The following CMYA5 variants were observed in gnomAD, a reference collection of about 807,000 sequenced individuals.
CMYA5 encodes cardiomyopathy associated 5.
Under a neutral mutation model 318.9 loss-of-function variants are expected in CMYA5, and 246 were observed. The observed-to-expected ratio is 0.77, with a 90% CI of 0.70 to 0.86. The LOEUF (loss-of-function observed/expected upper bound fraction) is 0.86, where lower values mean the gene tolerates loss of function less well. Among genes scored for constraint, CMYA5 ranks in the 40% least tolerant of loss-of-function variants. The pLI is 0.00. For synonymous variants in CMYA5, 1,641 were observed against 1,729.5 expected (o/e 0.95, Z 1.27); for missense variants, 4,589 against 4,678.2 (o/e 0.98, Z 0.56).
intron 9 of CMYA5, among the ~76,000 whole-genome samples, chr5:79,775,355 C>G (rs1395113696): frequency 6.6e-6 from 1 of 152,110 alleles, no homozygotes. Context: ...CTGTCAATTT[C>G]CAAAAGTATT....
At chr5:79,696,261 A>T (rs555514783) in intron 1 of CMYA5, among the ~76,000 whole-genome samples, 1 of 152,338 alleles carries the variant, frequency 6.6e-6, no homozygotes, top group South Asian at 2.1e-4. Flanking sequence ...GCCTTCTGTG[A>T]CTTGTCAGAA....
Position 79,723,925 on chromosome 5 carries a change from G to A in CMYA5, c.150-4990G>A, listed in dbSNP as rs577639504. Reference sequence around the variant, plus strand: ...CACAGCCATGTTGAGTTCAGTTCAGGAGTTCAAGATTGGTTTGTTATTTGG... The same window carrying A: ...CACAGCCATGTTGAGTTCAGTTCAGAAGTTCAAGATTGGTTTGTTATTTGG... On this transcript the variant is annotated intron_variant, in intron 1 of 12. Transcript: ENST00000446378. 1.5e-4 allele frequency among the ~76,000 whole-genome samples: 23 copies of A among 152,236 alleles called. No individual in the cohort carries two copies. In the South Asian group the frequency reaches 4.4e-3, roughly 29 times the overall value.
At position 79,731,192 on chromosome 5, in the gene CMYA5, G is replaced by A; in HGVS notation, c.2427G>A (p.Gln809=). Residue 809 remains glutamine (Q), a synonymous_variant, in exon 2 of 13, where the codon CAG becomes CAA. Coordinates refer to ENST00000446378, the MANE Select transcript of CMYA5 (RefSeq NM_153610.5). ...SKYAAPLNAT[Q]ESQKKIINEA... The stretch of plus-strand genomic sequence containing the variant: ...ATGCAGCCCCACTCAATGCAACACA[G>A]GAATCTCAAAAGAAAATAATCAATG... 3 of 1,613,954 alleles carry A rather than the reference G, an allele frequency of 1.9e-6. No homozygotes were observed. The highest frequency in any genetic ancestry group is 2.5e-6 in the Non-Finnish European group (3 of 1,179,884).
chr5:79,710,561 T>A (rs970018231), intron 1 of CMYA5, among the ~76,000 whole-genome samples: 3 of 152,204 alleles, frequency 2.0e-5, no homozygotes, highest in African/African-American at 7.2e-5. Flanking sequence ...CATCTCAGGA[T>A]AGATTAAGAA....
At chr5:79,789,227 G>A (rs1829135009) in intron 10 of CMYA5, 123 bp downstream of exon 10, 1 of 1,123,646 alleles carries the variant, frequency 8.9e-7, no homozygotes, top group Admixed American at 2.4e-5. Flanking sequence ...GTAGGTTTTT[G>A]TCATGAGGAC....
rs769796026 is a variant in CMYA5 at position 79,738,874 on chromosome 5, A to G, written c.10109A>G (p.Asn3370Ser). ...NEVGNASPEV[N>S]LNVPVQVSFP... ...GTCGGAAATGCAAGTCCAGAGGTCAATCTGAATGTCCCAGTACAAGTGTCC... is the reference window on the plus strand; with the variant it reads ...GTCGGAAATGCAAGTCCAGAGGTCAGTCTGAATGTCCCAGTACAAGTGTCC... The change falls in exon 2 of 13, where the codon AAT becomes AGT. Residue 3370 changes from asparagine to serine, a missense_variant. Asn to Ser is a conservative substitution (Grantham distance 46). Around this residue, in one of 3 missense-constraint regions of CMYA5, gnomAD observed 2,431 missense variants for 2,495.1 expected, o/e 0.97. Coordinates refer to ENST00000446378, the MANE Select transcript of CMYA5 (RefSeq NM_153610.5). The G allele has an allele frequency of 3.7e-6, 6 of 1,613,824 alleles. No homozygotes were observed. The highest frequency in any genetic ancestry group is 2.7e-5 in the African/African-American group (2 of 74,930).
rs193022638 is a variant in CMYA5 at position 79,795,946 on chromosome 5, C to A, written c.11963+2336C>A. Among the ~76,000 whole-genome samples the A allele has an allele frequency of 2.4e-4, 36 of 152,346 alleles. No homozygotes were observed. In the South Asian group the frequency reaches 2.5e-3, roughly 11 times the overall value. On this transcript the variant is annotated intron_variant, in intron 12 of 12. Transcript: ENST00000446378. Reference sequence around the variant, plus strand: ...GCCAGGCAGAGAGTCAGGCCCCACGCAGGCAGGCTTGGCTTCAGGCCAGAG... The same window carrying A: ...GCCAGGCAGAGAGTCAGGCCCCACGAAGGCAGGCTTGGCTTCAGGCCAGAG...
intron 9 of CMYA5, among the ~76,000 whole-genome samples, chr5:79,769,953 A>C (rs10474591): frequency 0.11 from 16,437 of 152,228 alleles, 1,178 homozygotes; most frequent in East Asian, 0.31. Context: ...AGTTTTATCT[A>C]TAAGCCCCTG....
At chr5:79,785,830 C>T (rs1487084237) in intron 9 of CMYA5, among the ~76,000 whole-genome samples, 4 of 152,088 alleles carry the variant, frequency 2.6e-5, no homozygotes, top group Non-Finnish European at 5.9e-5. Context: ...TTTTTTACTT[C>T]GTAAAAATCC....
In CMYA5 at chr5:79,735,793, G is replaced by T. The variant is rs1208507953; in HGVS notation, c.7028G>T (p.Ser2343Ile). ...KTIVPPHVTD[S>I]KRVQKPAIAP... ...ATTGTTCCTCCTCATGTTACTGATA[G>T]TAAAAGAGTCCAGAAGCCAGCAATC... The change falls in exon 2 of 13, where the codon AGT becomes ATT. Residue 2343 changes from serine (S) to isoleucine (I), a missense_variant. This residue lies in a region of CMYA5 where 2,431 missense variants were observed against 2,495.1 expected (regional missense o/e 0.97). Transcript: ENST00000446378. 4 of 1,556,050 alleles carry T rather than the reference G, an allele frequency of 2.6e-6. No individual in the cohort carries two copies. Among genetic ancestry groups the T allele is most frequent in the East Asian group, 4.5e-5 (2 of 44,650 alleles).
rs1335075812 is a variant in CMYA5, at chr5:79,734,175, C to T, written c.5410C>T (p.Gln1804Ter). Residue 1804 changes from glutamine to a stop codon, truncating the protein, a stop_gained, in exon 2 of 13, where the codon CAG becomes TAG. Transcript: ENST00000446378. LOFTEE classifies it high-confidence loss of function. ...TGHPNSSQVL[Q>*]SITEPSKIAP... ...CCACCCAAATTCATCCCAGGTACTC[C>T]AGAGTATAACAGAACCATCAAAGAT... 6.2e-7 allele frequency: 1 copy of T among 1,613,658 alleles called. No individual in the cohort carries two copies. Among genetic ancestry groups the T allele is most frequent in the Non-Finnish European group, 8.5e-7 (1 of 1,179,812 alleles).
chr5:79,788,508 C>A lies in CMYA5; in HGVS notation c.11556-463C>A, dbSNP rs1829119897. Among the ~76,000 whole-genome samples, 9 of 148,852 alleles carry A rather than the reference C, an allele frequency of 6.0e-5. No individual in the cohort carries two copies. In the South Asian group the frequency reaches 1.9e-3, roughly 31 times the overall value. On this transcript the variant is annotated intron_variant, in intron 9 of 12. Transcript: ENST00000446378. ...TTGCAATTAGAATTCTCTTTTCTTGCCAAGATCGAGTTTGCTTTAAAAGAT... is the reference window on the plus strand; with the variant it reads ...TTGCAATTAGAATTCTCTTTTCTTGACAAGATCGAGTTTGCTTTAAAAGAT...
rs769734937 is a variant in CMYA5 at position 79,734,747 on chromosome 5, A to T, written c.5982A>T (p.Leu1994Phe). 1 of 1,613,858 alleles carries T rather than the reference A, an allele frequency of 6.2e-7. No homozygotes were observed. The highest frequency in any genetic ancestry group is 8.5e-7 in the Non-Finnish European group (1 of 1,179,810). The change falls in exon 2 of 13, where the codon TTA (leucine) becomes TTT (phenylalanine). Residue 1994 changes from leucine to phenylalanine, a missense_variant. Leu to Phe is a conservative substitution (Grantham distance 22). Coordinates refer to ENST00000446378, the MANE Select transcript of CMYA5 (RefSeq NM_153610.5). ...EVKLAEEPKS[L>F]VLAGNVERNI... ...AGCTGGCTGAAGAACCAAAGTCTTT[A>T]GTCCTAGCTGGAAATGTAGAGAGAA... is the stretch of plus-strand genomic sequence containing the variant.
At position 79,758,887 on chromosome 5, in the gene CMYA5, G is replaced by A. The variant is rs765584423; in HGVS notation, c.11245G>A (p.Asp3749Asn). 3.2e-6 allele frequency: 5 copies of A among 1,586,624 alleles called. No homozygotes were observed. Among genetic ancestry groups the A allele is most frequent in the Admixed American group, 3.6e-5 (2 of 55,828 alleles). ...TTACTGCATGGAGGAGCCACAAGAT[G>A]ATCAAGAAGTAAATGGTAGGATTGC... The part of the protein sequence containing the change: ...QVYCMEEPQD[D>N]QEVNELVEEY... Residue 3749 changes from aspartate to asparagine, a missense_variant, in exon 7 of 13, where the codon GAT becomes AAT. Asp to Asn is a conservative substitution (Grantham distance 23). Transcript: ENST00000446378.
In CMYA5 at chr5:79,730,909, T is replaced by C; in HGVS notation, c.2144T>C (p.Ile715Thr). ...LATKESLKKT[I>T]DRKSPLILKG... ...ACAAAAGAGTCACTGAAGAAAACAA[T>C]TGACCGTAAGTCCCCGTTAATATTG... The change falls in exon 2 of 13, where the codon ATT (isoleucine) becomes ACT (threonine). Residue 715 changes from isoleucine to threonine, a missense_variant. Coordinates refer to ENST00000446378, the MANE Select transcript of CMYA5 (RefSeq NM_153610.5). The C allele has an allele frequency of 1.9e-6, 3 of 1,613,988 alleles. No individual in the cohort carries two copies. Among genetic ancestry groups the C allele is most frequent in the Non-Finnish European group, 2.5e-6 (3 of 1,179,878 alleles).
In CMYA5 at chr5:79,734,354, G is replaced by A; in HGVS notation, c.5589G>A (p.Leu1863=). ...CACTTATGAGAGAGAATTTGCCTTTGGAACAATCAAAATCATTTATGACAA... is the reference window on the plus strand; with the variant it reads ...CACTTATGAGAGAGAATTTGCCTTTAGAACAATCAAAATCATTTATGACAA... The part of the protein sequence containing the change: ...QFSLMRENLP[L]EQSKSFMTTK... Residue 1863 remains leucine (L), a synonymous_variant, in exon 2 of 13, where the codon TTG becomes TTA. Coordinates refer to ENST00000446378, the MANE Select transcript of CMYA5 (RefSeq NM_153610.5). 6.2e-7 allele frequency: 1 copy of A among 1,613,830 alleles called. No homozygotes were observed. The highest frequency in any genetic ancestry group is 8.5e-7 in the Non-Finnish European group (1 of 1,179,802).
intron 1 of CMYA5, among the ~76,000 whole-genome samples, chr5:79,715,413 G>A (rs947766820): frequency 2.0e-5 from 3 of 151,920 alleles, no homozygotes; most frequent in Non-Finnish European, 2.9e-5. Context: ...TCAGCCTCCC[G>A]AGTAGCTGGG....
In CMYA5 at chr5:79,737,300, G is replaced by T. The variant is rs1561212774; in HGVS notation, c.8535G>T (p.Arg2845Ser). ...CACGATCAGAATTGACTCCAGAAAG[G>T]CATACAGTTCATACTATTCAGACAT... ...EMPRSELTPE[R>S]HTVHTIQTSK... Residue 2845 changes from arginine to serine, a missense_variant, in exon 2 of 13, where the codon AGG (arginine) becomes AGT (serine). Arg to Ser is a moderately radical substitution (Grantham distance 110). Around this residue, in one of 3 missense-constraint regions of CMYA5, gnomAD observed 2,431 missense variants for 2,495.1 expected, o/e 0.97. Coordinates refer to ENST00000446378, the MANE Select transcript of CMYA5 (RefSeq NM_153610.5). 1 of 1,613,650 alleles carries T rather than the reference G, an allele frequency of 6.2e-7. No individual in the cohort carries two copies. The highest frequency in any genetic ancestry group is 1.7e-5 in the Admixed American group (1 of 59,966).
At chr5:79,772,552 G>A (rs535111912) in intron 9 of CMYA5, among the ~76,000 whole-genome samples, 7 of 152,114 alleles carry the variant, frequency 4.6e-5, no homozygotes, top group African/African-American at 1.4e-4. Flanking sequence ...AAAATTTATT[G>A]GCCACAAATT....
Sources: allele counts gnomAD v4.1 joint callset (sites outside exome capture counted in the v4.1 genomes callset), GRCh38; gene constraint gnomAD v4.1.1; regional missense constraint gnomAD v4.1.1; transcripts MANE v1.5; gene names NCBI Gene and HGNC (gene_info 2026-07-23, HGNC 2026-07-21).